XKR4: variants seen among roughly 807,000 people sequenced by gnomAD.
The protein encoded by XKR4 is XK related 4.
Under a neutral mutation model 53.9 loss-of-function variants are expected in XKR4, and 12 were observed. The ratio of observed to expected loss-of-function variants is 0.22; its 90% confidence interval spans 0.14 to 0.36. The LOEUF (loss-of-function observed/expected upper bound fraction) is 0.36, where lower values mean the gene tolerates loss of function less well. XKR4 is among the 10% of genes least tolerant of loss of function. The probability of loss-of-function intolerance (pLI) is 1.00; values close to 1 mark genes in which losing one functional copy is unlikely to be tolerated. For synonymous variants in XKR4, 354 were observed against 362.4 expected (o/e 0.98, Z 0.26); for missense variants, 799 against 859.5 (o/e 0.93, Z 0.88).
chr8:55,160,292 A>G (rs1816966080), intron 1 of XKR4, among the ~76,000 whole-genome samples: 2 of 152,214 alleles, frequency 1.3e-5, no homozygotes, highest in African/African-American at 4.8e-5. Context: ...TGTGTATGCA[A>G]GGAGTGTTTA....
intron 2 of XKR4, among the ~76,000 whole-genome samples, chr8:55,418,335 T>C (rs1221630108): frequency 6.6e-6 from 1 of 152,166 alleles, no homozygotes; most frequent in East Asian, 1.9e-4. Flanking sequence ...GCAAACACTT[T>C]CCCATCTCAG....
At chr8:55,230,253 A>T (rs1024617753) in intron 1 of XKR4, among the ~76,000 whole-genome samples, 1 of 152,248 alleles carries the variant, frequency 6.6e-6, no homozygotes, top group African/African-American at 2.4e-5. Flanking sequence ...AATTAGAAAA[A>T]AAATCAAAAC....
intron 1 of XKR4, among the ~76,000 whole-genome samples, chr8:55,298,954 CAG>C (rs1405701467): frequency 1.3e-5 from 2 of 152,106 alleles, no homozygotes; most frequent in African/African-American, 4.8e-5. Flanking sequence ...TTATCAAACT[CAG>C]GGCATTCGCA....
chr8:55,364,858 TCTGGTAATCTGCCC>T (rs956967295), intron 2 of XKR4, among the ~76,000 whole-genome samples: 2 of 152,136 alleles, frequency 1.3e-5, no homozygotes, highest in African/African-American at 4.8e-5. Context: ...TCTCCTGACC[TCTGGTAATCTGCCC>T]ACCTCGGCCA....
intron 1 of XKR4, among the ~76,000 whole-genome samples, chr8:55,244,897 A>ATT (rs148385384): frequency 2.3e-4 from 26 of 110,794 alleles, no homozygotes; most frequent in African/African-American, 6.7e-4. Flanking sequence ...CTTTGCCAAC[A>ATT]TTTTTTTTTT....
chr8:55,213,304 G>A (rs575554832), intron 1 of XKR4, among the ~76,000 whole-genome samples: 51 of 152,230 alleles, frequency 3.4e-4, no homozygotes, highest in African/African-American at 1.2e-3. Context: ...TTGTTGGGTC[G>A]GAGATGAAAT....
chr8:55,377,257 G>A (rs1804164665), intron 2 of XKR4, among the ~76,000 whole-genome samples: 1 of 152,136 alleles, frequency 6.6e-6, no homozygotes, highest in African/African-American at 2.4e-5. Flanking sequence ...CTCTGCATCT[G>A]CTTCCTTATC....
chr8:55,206,560 A>G (rs530341621), intron 1 of XKR4, among the ~76,000 whole-genome samples: 2 of 152,214 alleles, frequency 1.3e-5, no homozygotes, highest in African/African-American at 4.8e-5. Context: ...TTTATTGAAT[A>G]TCTGCTCTGA....
chr8:55,442,926 G>T (rs1228610141), intron 2 of XKR4, among the ~76,000 whole-genome samples: 1 of 152,128 alleles, frequency 6.6e-6, no homozygotes. Context: ...CTTTAAATAG[G>T]TGAATGTAAT....
chr8:55,318,320 T>A (rs911131401), intron 1 of XKR4, among the ~76,000 whole-genome samples: 8 of 152,188 alleles, frequency 5.3e-5, no homozygotes, highest in African/African-American at 1.9e-4. Flanking sequence ...CAAACATCAA[T>A]AAATGGTTGT....
At chr8:55,241,368 G>A (rs917382949) in intron 1 of XKR4, among the ~76,000 whole-genome samples, 2 of 152,074 alleles carry the variant, frequency 1.3e-5, no homozygotes, top group African/African-American at 4.8e-5. Flanking sequence ...TTTTCTTTAA[G>A]TTGCAGGAGC....
chr8:55,204,857 C>T (rs1039580995), intron 1 of XKR4, among the ~76,000 whole-genome samples: 1 of 152,076 alleles, frequency 6.6e-6, no homozygotes, highest in Non-Finnish European at 1.5e-5. Context: ...ATAAGAATGA[C>T]TCGGTGATAC....
chr8:55,180,624 C>T (rs1029780937), intron 1 of XKR4, among the ~76,000 whole-genome samples: 1 of 152,188 alleles, frequency 6.6e-6, no homozygotes, highest in African/African-American at 2.4e-5. Context: ...CCTCCGCCTC[C>T]TGGTTCAAAT....
At chr8:55,425,341 C>A (rs1170228751) in intron 2 of XKR4, among the ~76,000 whole-genome samples, 1 of 152,130 alleles carries the variant, frequency 6.6e-6, no homozygotes, top group Non-Finnish European at 1.5e-5. Flanking sequence ...GGCCCCTCAC[C>A]GTTTGGGAAT....
At chr8:55,120,667 A>G (rs970012290) in intron 1 of XKR4, among the ~76,000 whole-genome samples, 3 of 151,960 alleles carry the variant, frequency 2.0e-5, no homozygotes, top group African/African-American at 7.2e-5. Context: ...AGTTTCCCCT[A>G]TTATTAACAT....
intron 1 of XKR4, among the ~76,000 whole-genome samples, chr8:55,175,900 G>A (rs1205845447): frequency 6.6e-6 from 1 of 152,190 alleles, no homozygotes. Flanking sequence ...TGGGATGTAA[G>A]ACCCATCAGA....
At chr8:55,327,667 A>G (rs894853319) in intron 1 of XKR4, among the ~76,000 whole-genome samples, 3 of 152,236 alleles carry the variant, frequency 2.0e-5, no homozygotes, top group African/African-American at 4.8e-5. Flanking sequence ...TTTAATACAT[A>G]TAAGTATAGC....
At chr8:55,389,681 C>T (rs988304386) in intron 2 of XKR4, among the ~76,000 whole-genome samples, 4 of 152,292 alleles carry the variant, frequency 2.6e-5, no homozygotes, top group African/African-American at 9.6e-5. Context: ...CAATCATTTA[C>T]TCATTTAACA....
At chr8:55,519,847 G>A (rs1236141709) in intron 2 of XKR4, among the ~76,000 whole-genome samples, 1 of 152,218 alleles carries the variant, frequency 6.6e-6, no homozygotes, top group Admixed American at 6.5e-5. Context: ...TCGCAAATGG[G>A]TGAGAGAGAG....
Sources: gnomAD v4.1 joint callset for allele counts (sites outside exome capture counted in the v4.1 genomes callset) on GRCh38, gnomAD v4.1.1 for gene constraint, MANE v1.5 for transcripts, NCBI Gene and HGNC (gene_info 2026-07-23, HGNC 2026-07-21) for gene names.